Variants in CCDC62 observed in about 807,000 individuals in gnomAD.
CCDC62 encodes coiled-coil domain containing 62, also known as coiled-coil domain-containing protein 62.
CCDC62 carries 72 observed loss-of-function variants against 80.8 expected under a neutral mutation model. That is an observed-to-expected ratio of 0.89 (90% CI 0.74 to 1.08). CCDC62 has a LOEUF of 1.08. CCDC62 is among the 50% of genes least tolerant of loss of function. The pLI, the probability that CCDC62 is intolerant of heterozygous loss-of-function variation, is 0.00. For synonymous variants in CCDC62, 286 were observed against 296.5 expected (o/e 0.96, Z 0.36); for missense variants, 704 against 809.4 (o/e 0.87, Z 1.58).
intron 6 of CCDC62, among the ~76,000 whole-genome samples, chr12:122,795,326 C>T (rs1228019154): frequency 6.6e-6 from 1 of 152,180 alleles, no homozygotes; most frequent in Non-Finnish European, 1.5e-5. Context: ...GTTAGGATTA[C>T]AGGTGTGAGC....
chr12:122,812,772 AG>A lies in CCDC62; in HGVS notation c.1852-497del, dbSNP rs1320228237. Among the ~76,000 whole-genome samples, 266 of 98,660 alleles carry A rather than the reference AG, an allele frequency of 2.7e-3. 3 individuals are homozygous for A. Among genetic ancestry groups the A allele is most frequent in the African/African-American group, 0.012 (237 of 20,598 alleles). 64.7% of individuals were successfully genotyped at this position (98,660 alleles called of 152,430 possible). On this transcript the variant is annotated intron_variant, in intron 10 of 12. Transcript: ENST00000253079. ...GAGAGGGAGGGAGAGAGAGAGAGAG[AG>A]AGAGAGAAAGAAAGAAAGAAAGAAA...
intron 10 of CCDC62, among the ~76,000 whole-genome samples, chr12:122,806,770 C>G (rs1223192190): frequency 6.7e-6 from 1 of 149,842 alleles, no homozygotes; most frequent in Non-Finnish European, 1.5e-5. Flanking sequence ...GTGTGAATCA[C>G]CGTGCTGGGA....
chr12:122,809,322 T>TGGCTATGGCGAGGTG (rs1322572037), intron 10 of CCDC62, among the ~76,000 whole-genome samples: 1 of 151,308 alleles, frequency 6.6e-6, no homozygotes, highest in African/African-American at 2.4e-5. Context: ...AAACCCCATC[T>TGGCTATGGCGAGGTG]CTACTAAAAA....
chr12:122,824,850 C>T (rs1249893894), intron 12 of CCDC62, among the ~76,000 whole-genome samples: 3 of 152,032 alleles, frequency 2.0e-5, no homozygotes, highest in African/African-American at 4.8e-5. Context: ...TTTGGGAGGC[C>T]GAGGCAGGCA....
At chr12:122,783,599 G>T (rs1254613190) in intron 3 of CCDC62, among the ~76,000 whole-genome samples, 2 of 152,020 alleles carry the variant, frequency 1.3e-5, no homozygotes, top group African/African-American at 4.8e-5. Flanking sequence ...TAATAGTATA[G>T]ATTTTTATTT....
At position 122,827,250 on chromosome 12, in the gene CCDC62, A is replaced by G. The variant is rs549812587; in HGVS notation, c.*869A>G. On this transcript the variant is annotated 3_prime_UTR_variant, in exon 13 of 13. Transcript: ENST00000253079. The stretch of plus-strand genomic sequence containing the variant: ...TGGTTTCTTTTTATTTTACAGGAGT[A>G]AAATAAGGAAGGAACGTTCATCACT... 5 of 152,346 alleles carry G rather than the reference A, an allele frequency of 3.3e-5. No homozygotes were observed. The highest frequency in any genetic ancestry group is 1.3e-4 in the Admixed American group (2 of 15,292). 9.4% of individuals were successfully genotyped at this position (152,346 alleles called of 1,614,324 possible). A position where few individuals can be genotyped will look rare whatever the true frequency, so the allele number is the denominator to read the frequency against.
Position 122,774,717 on chromosome 12 carries a change from G to A in CCDC62, c.36+11G>A, listed in dbSNP as rs1465474294. The stretch of plus-strand genomic sequence containing the variant: ...CTTGCCGGGCGCCAGGTAAGCAGCG[G>A]TTCCGGGCGCGGCGGGGCGCCGCGG... On this transcript the variant is annotated intron_variant, in intron 1 of 12. Coordinates refer to ENST00000253079, the MANE Select transcript of CCDC62 (RefSeq NM_201435.5). 1.6e-6 allele frequency: 2 copies of A among 1,253,182 alleles called. No individual in the cohort carries two copies. Among genetic ancestry groups the A allele is most frequent in the East Asian group, 3.1e-5 (1 of 32,254 alleles). 77.6% of individuals were successfully genotyped at this position (1,253,182 alleles called of 1,614,324 possible). A position where few individuals can be genotyped will look rare whatever the true frequency, so the allele number is the denominator to read the frequency against.
intron 11 of CCDC62, among the ~76,000 whole-genome samples, chr12:122,821,161 T>A (rs1375592444): frequency 6.6e-6 from 1 of 152,096 alleles, no homozygotes. Context: ...ACGAGGCACT[T>A]AGAGTTGCCG....
At position 122,826,682 on chromosome 12, in the gene CCDC62, C is replaced by A; in HGVS notation, c.*301C>A. ...ATTATGCTAAGAATGAAAAAGACTT[C>A]TCTGTAAAGATACGGACTACAGTTA... On this transcript the variant is annotated 3_prime_UTR_variant, in exon 13 of 13. Coordinates refer to ENST00000253079, the MANE Select transcript of CCDC62 (RefSeq NM_201435.5). 1 of 427,684 alleles carries A rather than the reference C, an allele frequency of 2.3e-6. No homozygotes were observed. The highest frequency in any genetic ancestry group is 2.0e-5 in the African/African-American group (1 of 49,642). 26.5% of individuals were successfully genotyped at this position (427,684 alleles called of 1,614,324 possible). A position where few individuals can be genotyped will look rare whatever the true frequency, so the allele number is the denominator to read the frequency against.
rs372529007 is a variant in CCDC62, at chr12:122,797,037, C to A, written c.773-270C>A. ...TGGACCACAGGCAGGCACCACCACA[C>A]CCGGCTAAATTTGTATTTTTAGTAG... On this transcript the variant is annotated intron_variant, in intron 6 of 12. Coordinates refer to ENST00000253079, the MANE Select transcript of CCDC62 (RefSeq NM_201435.5). Among the ~76,000 whole-genome samples, 30 of 152,020 alleles carry A rather than the reference C, an allele frequency of 2.0e-4. 1 individual carries two copies. The South Asian group carries it at 4.6e-3, about 23-fold the overall frequency.
rs764612483 is a variant in CCDC62 at position 122,777,441 on chromosome 12, T to G, written c.37-50T>G. 7 of 1,499,462 alleles carry G rather than the reference T, an allele frequency of 4.7e-6. No homozygotes were observed. The South Asian group carries it at 8.7e-5, about 19-fold the overall frequency. 92.9% of individuals were successfully genotyped at this position (1,499,462 alleles called of 1,614,324 possible). A position where few individuals can be genotyped will look rare whatever the true frequency, so the allele number is the denominator to read the frequency against. On this transcript the variant is annotated intron_variant, in intron 1 of 12. Coordinates refer to ENST00000253079, the MANE Select transcript of CCDC62 (RefSeq NM_201435.5). Reference sequence around the variant, plus strand: ...ATTTGGAAAATGGACTTTGGCTGATTTGTTATTGATTTCATTCTATTTTGA... The same window carrying G: ...ATTTGGAAAATGGACTTTGGCTGATGTGTTATTGATTTCATTCTATTTTGA...
At chr12:122,812,778 A>AG (rs60119126) in intron 10 of CCDC62, among the ~76,000 whole-genome samples, 1 of 73,704 alleles carries the variant, frequency 1.4e-5, no homozygotes, top group Non-Finnish European at 2.5e-5. Flanking sequence ...AGAGAGAGAG[A>AG]GAAAGAAAGA....
Position 122,785,711 on chromosome 12 carries a change from T to A in CCDC62, c.397-8T>A. Reference sequence around the variant, plus strand: ...TCAAGCAGTATCATCTGTGTTGTTTTCTTGTAGGCTAGAAACGAAACTCTC... The same window carrying A: ...TCAAGCAGTATCATCTGTGTTGTTTACTTGTAGGCTAGAAACGAAACTCTC... On this transcript the variant is annotated splice_polypyrimidine_tract_variant and splice_region_variant and intron_variant, in intron 3 of 12. Transcript: ENST00000253079. 6.3e-7 allele frequency: 1 copy of A among 1,597,650 alleles called. No homozygotes were observed. Among genetic ancestry groups the A allele is most frequent in the Non-Finnish European group, 8.6e-7 (1 of 1,165,074 alleles).
chr12:122,792,979 A>G (rs762248768), intron 6 of CCDC62, among the ~76,000 whole-genome samples: 9 of 152,202 alleles, frequency 5.9e-5, no homozygotes, highest in Non-Finnish European at 1.2e-4. Context: ...AAAACATAAC[A>G]TAGATGCTCC....
intron 9 of CCDC62, among the ~76,000 whole-genome samples, chr12:122,805,150 A>G (rs1235541741): frequency 3.2e-5 from 4 of 124,144 alleles, no homozygotes; most frequent in East Asian, 5.5e-4. Flanking sequence ...CTCCCAAAGT[A>G]TGGGGATTAC....
At position 122,813,372 on chromosome 12, in the gene CCDC62, A is replaced by C. The variant is rs757793011; in HGVS notation, c.1954A>C (p.Thr652Pro). Residue 652 changes from threonine to proline, a missense_variant, in exon 11 of 13, where the codon ACA becomes CCA. Coordinates refer to ENST00000253079, the MANE Select transcript of CCDC62 (RefSeq NM_201435.5). ...GATGGTGACGGACCTGGAGCTGAGCACACTGCTGCCCATCAGCCATGAGAA... is the reference window on the plus strand; with the variant it reads ...GATGGTGACGGACCTGGAGCTGAGCCCACTGCTGCCCATCAGCCATGAGAA... ...RQMVTDLELS[T>P]LLPISHENLT... 2.5e-6 allele frequency: 4 copies of C among 1,613,656 alleles called. No homozygotes were observed. Among genetic ancestry groups the C allele is most frequent in the Non-Finnish European group, 3.4e-6 (4 of 1,179,954 alleles).
At chr12:122,815,860 C>T (rs1483928880) in intron 11 of CCDC62, among the ~76,000 whole-genome samples, 2 of 152,112 alleles carry the variant, frequency 1.3e-5, no homozygotes, top group Non-Finnish European at 2.9e-5. Context: ...TCATTTTCTT[C>T]CCTTACTGCT....
chr12:122,787,581 C>G (rs1324505249), intron 4 of CCDC62, among the ~76,000 whole-genome samples: 1 of 151,308 alleles, frequency 6.6e-6, no homozygotes, highest in African/African-American at 2.4e-5. Context: ...GAAACCTCAT[C>G]TATTTTTAAA....
intron 2 of CCDC62, among the ~76,000 whole-genome samples, chr12:122,779,525 T>C: frequency 6.6e-6 from 1 of 152,140 alleles, no homozygotes. Context: ...CTAACAGGCA[T>C]CCTAGGCGAT....
Sources: gnomAD v4.1 joint callset for allele counts (sites outside exome capture counted in the v4.1 genomes callset) on GRCh38, gnomAD v4.1.1 for gene constraint, MANE v1.5 for transcripts, NCBI Gene and HGNC (gene_info 2026-07-23, HGNC 2026-07-21) for gene names.